PARD3: variants seen among roughly 807,000 people sequenced by gnomAD.
PARD3 encodes the protein partitioning defective 3 homolog.
In PARD3, 75 loss-of-function variants were observed where a neutral mutation model predicts 155.4. The ratio of observed to expected loss-of-function variants is 0.48; its 90% CI spans 0.40 to 0.58. PARD3 has a LOEUF of 0.58. Ranked by LOEUF, PARD3 falls within the 20% of genes least tolerant of loss-of-function variation. The pLI is 0.00. For synonymous variants in PARD3, 576 were observed against 610.5 expected, an observed-to-expected ratio of 0.94 and a Z score of 0.83; for missense variants, 1,642 against 1,721.7, an observed-to-expected ratio of 0.95 and a Z score of 0.82.
rs118133843 is a variant in PARD3 at position 34,303,284 on chromosome 10, C to A, written c.3065+13823G>T. ...AACATCAGGCAACTGGCTATTGCTA[C>A]GGCCTAGAAAGAACATCGAAGGAAA... On this transcript the variant is annotated intron_variant, in intron 20 of 24. Coordinates refer to ENST00000374788, the MANE Select transcript of PARD3 (RefSeq NM_001184785.2). Among the ~76,000 whole-genome samples the A allele has an allele frequency of 1.3e-3, 203 of 151,332 alleles. 5 individuals carry two copies. In the East Asian group the frequency reaches 0.036, roughly 27 times the overall value.
At chr10:34,229,378 C>T (rs972851499) in intron 22 of PARD3, among the ~76,000 whole-genome samples, 10 of 151,862 alleles carry the variant, frequency 6.6e-5, no homozygotes, top group Admixed American at 2.6e-4. Context: ...TACCACTATG[C>T]GCAGCTAATT....
At chr10:34,603,574 A>C (rs2089972427) in intron 2 of PARD3, among the ~76,000 whole-genome samples, 1 of 151,912 alleles carries the variant, frequency 6.6e-6, no homozygotes, top group East Asian at 1.9e-4. Context: ...AGTCAATCAG[A>C]GTTCAATATG....
chr10:34,229,207 A>T (rs893661131), intron 22 of PARD3, among the ~76,000 whole-genome samples: 12 of 152,072 alleles, frequency 7.9e-5, no homozygotes, highest in Middle Eastern at 3.4e-3. Context: ...AATACAGCTT[A>T]AAAAATTTTC....
chr10:34,208,574 A>G (rs987344015), intron 22 of PARD3, among the ~76,000 whole-genome samples: 6 of 152,210 alleles, frequency 3.9e-5, no homozygotes, highest in Non-Finnish European at 8.8e-5. Flanking sequence ...TTCTTGTGAA[A>G]TCATTTTGCA....
intron 7 of PARD3, among the ~76,000 whole-genome samples, chr10:34,387,327 G>A (rs952880970): frequency 5.9e-5 from 9 of 152,030 alleles, no homozygotes; most frequent in Non-Finnish European, 1.0e-4. Context: ...AATTAGCACC[G>A]ATCATTTATT....
intron 1 of PARD3, among the ~76,000 whole-genome samples, chr10:34,731,550 G>A (rs1306076118): frequency 6.6e-6 from 1 of 152,128 alleles, no homozygotes; most frequent in East Asian, 1.9e-4. Flanking sequence ...ACACTTTTGA[G>A]GTCGTAAAAT....
chr10:34,125,265 C>T (rs1162845249), intron 23 of PARD3, among the ~76,000 whole-genome samples: 2 of 152,032 alleles, frequency 1.3e-5, no homozygotes, highest in East Asian at 1.9e-4. Flanking sequence ...CGGGGTTTCA[C>T]CATGTTGGCC....
intron 23 of PARD3, among the ~76,000 whole-genome samples, chr10:34,129,041 C>A (rs577764574): frequency 6.2e-4 from 94 of 152,368 alleles, no homozygotes; most frequent in African/African-American, 2.2e-3. Flanking sequence ...CTAACAGGAT[C>A]CAGCCTCTGT....
intron 5 of PARD3, among the ~76,000 whole-genome samples, chr10:34,422,098 C>G (rs2075343494): frequency 6.6e-6 from 1 of 152,102 alleles, no homozygotes; most frequent in African/African-American, 2.4e-5. Flanking sequence ...GACACCCACT[C>G]TCACCCCTAG....
intron 2 of PARD3, among the ~76,000 whole-genome samples, chr10:34,648,430 T>A (rs946335841): frequency 6.6e-6 from 1 of 152,156 alleles, no homozygotes; most frequent in Non-Finnish European, 1.5e-5. Context: ...TACTGCAAGA[T>A]CTAAACCAGT....
intron 22 of PARD3, among the ~76,000 whole-genome samples, chr10:34,227,827 T>C (rs1952677187): frequency 7.4e-6 from 1 of 135,090 alleles, no homozygotes; most frequent in South Asian, 2.2e-4. Flanking sequence ...GGAATATATA[T>C]ATATATTCCC....
chr10:34,365,898 T>C (rs1480416676), intron 12 of PARD3, among the ~76,000 whole-genome samples: 2 of 152,106 alleles, frequency 1.3e-5, no homozygotes, highest in Non-Finnish European at 2.9e-5. Context: ...AAGAAAATCA[T>C]TTAAAAAAAT....
intron 23 of PARD3, among the ~76,000 whole-genome samples, chr10:34,130,124 T>C (rs1483171881): frequency 6.6e-5 from 10 of 152,206 alleles, no homozygotes. Context: ...TGGCAGGCCT[T>C]AGACCTCAAC....
intron 2 of PARD3, among the ~76,000 whole-genome samples, chr10:34,677,821 T>A (rs1301900432): frequency 2.0e-5 from 3 of 152,126 alleles, no homozygotes; most frequent in Non-Finnish European, 4.4e-5. Context: ...ACATAACCCA[T>A]GGCACTCATC....
chr10:34,223,792 T>C (rs1449719536), intron 22 of PARD3, among the ~76,000 whole-genome samples: 3 of 152,172 alleles, frequency 2.0e-5, no homozygotes, highest in Non-Finnish European at 4.4e-5. Context: ...TCATTAACCT[T>C]TGTAACATCT....
intron 3 of PARD3, among the ~76,000 whole-genome samples, chr10:34,479,762 C>A (rs1362715177): frequency 6.6e-6 from 1 of 152,076 alleles, no homozygotes; most frequent in Non-Finnish European, 1.5e-5. Flanking sequence ...GTCCTGTACT[C>A]TACAAGTCCT....
At chr10:34,440,684 G>T (rs2076416848) in intron 5 of PARD3, among the ~76,000 whole-genome samples, 1 of 151,916 alleles carries the variant, frequency 6.6e-6, no homozygotes, top group African/African-American at 2.4e-5. Flanking sequence ...TAGCTCCATA[G>T]GCCAAAGAAG....
At chr10:34,597,643 G>A (rs1221205404) in intron 2 of PARD3, among the ~76,000 whole-genome samples, 4 of 152,104 alleles carry the variant, frequency 2.6e-5, no homozygotes, top group Non-Finnish European at 5.9e-5. Flanking sequence ...TGAAAACATT[G>A]TTTCCAAGAA....
At chr10:34,128,406 A>G (rs1231165551) in intron 23 of PARD3, among the ~76,000 whole-genome samples, 1 of 152,204 alleles carries the variant, frequency 6.6e-6, no homozygotes, top group Non-Finnish European at 1.5e-5. Context: ...TCTTAATAAC[A>G]TCTTCTTTCT....
Sources: gnomAD v4.1 joint callset for allele counts (sites outside exome capture counted in the v4.1 genomes callset) on GRCh38, gnomAD v4.1.1 for gene constraint, MANE v1.5 for transcripts, NCBI Gene and HGNC (gene_info 2026-07-23, HGNC 2026-07-21) for gene names.